KCNIP4: variants seen among roughly 807,000 people sequenced by gnomAD.
The protein encoded by KCNIP4 is Kv channel-interacting protein 4.
In KCNIP4, 12 loss-of-function variants were observed where a neutral mutation model predicts 34.0. The observed-to-expected ratio is 0.35, with a 90% CI of 0.23 to 0.57. KCNIP4 has a LOEUF of 0.57. Among genes scored for constraint, KCNIP4 ranks in the 20% least tolerant of loss-of-function variants. The pLI is 0.83. For synonymous variants in KCNIP4, 124 were observed against 102.2 expected, an observed-to-expected ratio of 1.21 and a Z score of -1.29; for missense variants, 238 against 311.7, an observed-to-expected ratio of 0.76 and a Z score of 1.78.
chr4:20,905,229 T>G (rs1727608686), intron 1 of KCNIP4, among the ~76,000 whole-genome samples: 1 of 152,134 alleles, frequency 6.6e-6, no homozygotes, highest in Admixed American at 6.6e-5. Context: ...CTTTTTGTCT[T>G]GTATCGATGA....
intron 1 of KCNIP4, among the ~76,000 whole-genome samples, chr4:21,498,140 C>T (rs1733002416): frequency 6.6e-6 from 1 of 152,106 alleles, no homozygotes; most frequent in Non-Finnish European, 1.5e-5. Context: ...ATAAAATTCA[C>T]CCGAATATTG....
At chr4:21,561,916 T>C (rs1351184564) in intron 1 of KCNIP4, among the ~76,000 whole-genome samples, 2 of 151,936 alleles carry the variant, frequency 1.3e-5, no homozygotes, top group Non-Finnish European at 2.9e-5. Context: ...GCTCAAAAGG[T>C]AAACGTATGA....
chr4:21,706,672 T>C (rs1459283), intron 1 of KCNIP4, among the ~76,000 whole-genome samples: 103,136 of 151,982 alleles, frequency 0.68, 36,537 homozygotes, highest in African/African-American at 0.87. Flanking sequence ...GAATGACGAG[T>C]GTAGTGATTC....
chr4:21,137,649 G>A (rs1015032788), intron 1 of KCNIP4, among the ~76,000 whole-genome samples: 4 of 151,836 alleles, frequency 2.6e-5, no homozygotes, highest in African/African-American at 7.3e-5. Context: ...CTGCTCAACA[G>A]GTATAACAAT....
At chr4:21,641,985 G>A (rs1248275147) in intron 1 of KCNIP4, among the ~76,000 whole-genome samples, 3 of 152,066 alleles carry the variant, frequency 2.0e-5, no homozygotes, top group African/African-American at 7.2e-5. Context: ...ATGGAAGGGG[G>A]GTAGTGCTAT....
intron 1 of KCNIP4, among the ~76,000 whole-genome samples, chr4:21,788,670 G>A (rs1720068354): frequency 1.3e-5 from 2 of 152,144 alleles, no homozygotes; most frequent in African/African-American, 2.4e-5. Flanking sequence ...GTTCTTTAAT[G>A]CAGAATAACT....
intron 1 of KCNIP4, among the ~76,000 whole-genome samples, chr4:21,306,692 T>G (rs557765956): frequency 7.2e-5 from 11 of 152,314 alleles, no homozygotes; most frequent in African/African-American, 2.6e-4. Context: ...AAAAGGGAGT[T>G]GTTTTTCTAG....
chr4:21,512,372 C>G (rs1245414841), intron 1 of KCNIP4, among the ~76,000 whole-genome samples: 2 of 152,126 alleles, frequency 1.3e-5, no homozygotes, highest in South Asian at 4.1e-4. Flanking sequence ...AATGACTTCA[C>G]CTAACATCAT....
At chr4:21,200,069 A>C (rs1440577723) in intron 1 of KCNIP4, among the ~76,000 whole-genome samples, 1 of 152,046 alleles carries the variant, frequency 6.6e-6, no homozygotes, top group Admixed American at 6.6e-5. Context: ...GAGGGATAGC[A>C]TTAGGAGATA....
chr4:21,832,266 ATAT>A (rs1192668554), intron 1 of KCNIP4, among the ~76,000 whole-genome samples: 4 of 152,212 alleles, frequency 2.6e-5, no homozygotes, highest in East Asian at 1.9e-4. Flanking sequence ...CTCACAGCTA[ATAT>A]TATACTCAAC....
chr4:21,745,743 T>C (rs539784911), intron 1 of KCNIP4, among the ~76,000 whole-genome samples: 29 of 152,258 alleles, frequency 1.9e-4, no homozygotes, highest in Admixed American at 3.3e-4. Flanking sequence ...AGTAAACATA[T>C]ACATGCTTTA....
intron 1 of KCNIP4, among the ~76,000 whole-genome samples, chr4:21,088,842 T>C (rs1196048779): frequency 6.6e-6 from 1 of 151,840 alleles, no homozygotes; most frequent in Non-Finnish European, 1.5e-5. Flanking sequence ...TCATTATTTG[T>C]TCAATATCCA....
chr4:21,618,540 T>C (rs1744756470), intron 1 of KCNIP4, among the ~76,000 whole-genome samples: 1 of 151,350 alleles, frequency 6.6e-6, no homozygotes. Flanking sequence ...ATTCTCTCTT[T>C]CTCCTTCTCT....
chr4:20,882,401 C>G (rs1020549521), intron 2 of KCNIP4, among the ~76,000 whole-genome samples: 1 of 152,114 alleles, frequency 6.6e-6, no homozygotes, highest in Non-Finnish European at 1.5e-5. Flanking sequence ...AGGCTCCTGT[C>G]ACTAAGACTG....
At chr4:20,831,904 T>G (rs1194438754) in intron 3 of KCNIP4, among the ~76,000 whole-genome samples, 1 of 152,210 alleles carries the variant, frequency 6.6e-6, no homozygotes, top group Non-Finnish European at 1.5e-5. Flanking sequence ...ATGAAGAATA[T>G]GATTGCCTAT....
chr4:21,145,239 G>A (rs1161996897), intron 1 of KCNIP4, among the ~76,000 whole-genome samples: 1 of 152,138 alleles, frequency 6.6e-6, no homozygotes, highest in Non-Finnish European at 1.5e-5. Flanking sequence ...CGTAGCTTTA[G>A]AAACTTAGAG....
intron 1 of KCNIP4, among the ~76,000 whole-genome samples, chr4:20,985,288 A>G (rs11737267): frequency 0.14 from 20,660 of 152,148 alleles, 1,445 homozygotes; most frequent in African/African-American, 0.15. Context: ...TTCTCCATTT[A>G]AAGGGAATTA....
chr4:20,728,738 G>GTGAT lies in KCNIP4; in HGVS notation c.*1340_*1343dup. ...TGTACTACTCTTAATTTCTACACTG[G>GTGAT]TGATAGCAGGGCAGCTTTCAACATC... On this transcript the variant is annotated 3_prime_UTR_variant, in exon 9 of 9. Transcript: ENST00000382152. 2 of 152,640 alleles carry GTGAT rather than the reference G, an allele frequency of 1.3e-5. No individual in the cohort carries two copies. The highest frequency in any genetic ancestry group is 3.9e-4 in the East Asian group (2 of 5,180). 9.5% of individuals were successfully genotyped at this position (152,640 alleles called of 1,614,324 possible). A position where few individuals can be genotyped will look rare whatever the true frequency, so the allele number is the denominator to read the frequency against.
chr4:21,360,017 C>T (rs1719050903), intron 1 of KCNIP4, among the ~76,000 whole-genome samples: 1 of 152,020 alleles, frequency 6.6e-6, no homozygotes, highest in Admixed American at 6.6e-5. Context: ...GACATTAGAT[C>T]CATCTACTCA....
Sources: allele counts gnomAD v4.1 joint callset (sites outside exome capture counted in the v4.1 genomes callset), GRCh38; gene constraint gnomAD v4.1.1; transcripts MANE v1.5; gene names NCBI Gene and HGNC (gene_info 2026-07-23, HGNC 2026-07-21).